Variants in TNR observed in about 807,000 individuals in gnomAD.
TNR encodes tenascin-R.
In TNR, 45 loss-of-function variants were observed where a neutral mutation model predicts 150.4. The ratio of observed to expected loss-of-function variants is 0.30; its 90% CI spans 0.24 to 0.38. The LOEUF (loss-of-function observed/expected upper bound fraction) is 0.38, where lower values mean the gene tolerates loss of function less well. TNR is among the 10% of genes least tolerant of loss of function. The probability of loss-of-function intolerance (pLI) is 1.00; values close to 1 mark genes in which losing one functional copy is unlikely to be tolerated. For synonymous variants in TNR, 687 were observed against 678.4 expected, an observed-to-expected ratio of 1.01 and a Z score of -0.20; for missense variants, 1,544 against 1,759.1, an observed-to-expected ratio of 0.88 and a Z score of 2.19.
intron 2 of TNR, among the ~76,000 whole-genome samples, chr1:175,467,071 G>GA (rs1657067427): frequency 6.6e-6 from 1 of 152,054 alleles, no homozygotes; most frequent in Admixed American, 6.6e-5. Context: ...CGACCCATCA[G>GA]GGCAACATTA....
At chr1:175,362,596 G>C (rs1017072283) in intron 14 of TNR, 67 bp downstream of exon 14, 11 of 1,574,582 alleles carry the variant, frequency 7.0e-6, no homozygotes, top group African/African-American at 1.3e-5. Context: ...CTTTCTACAA[G>C]CCCGAACAAC....
chr1:175,612,927 C>A (rs1663643282), intron 1 of TNR, among the ~76,000 whole-genome samples: 2 of 152,168 alleles, frequency 1.3e-5, no homozygotes, highest in South Asian at 2.1e-4. Flanking sequence ...ACACAGCCCC[C>A]CTTTCCCTCA....
At chr1:175,341,912 C>G (rs780077294) in intron 18 of TNR, among the ~76,000 whole-genome samples, 24 of 152,222 alleles carry the variant, frequency 1.6e-4, no homozygotes, top group Non-Finnish European at 2.8e-4. Context: ...TGCAGAGTAG[C>G]TGGCTAGACT....
chr1:175,734,377 T>C (rs1667719383), intron 1 of TNR, among the ~76,000 whole-genome samples: 2 of 152,178 alleles, frequency 1.3e-5, no homozygotes, highest in Non-Finnish European at 2.9e-5. Flanking sequence ...ATTTGATGGG[T>C]GAGGAAACTG....
intron 1 of TNR, among the ~76,000 whole-genome samples, chr1:175,649,062 G>A (rs1472400364): frequency 6.6e-6 from 1 of 152,192 alleles, no homozygotes; most frequent in East Asian, 1.9e-4. Context: ...GCAAAGCCAG[G>A]AGAGGCCATG....
intron 2 of TNR, among the ~76,000 whole-genome samples, chr1:175,408,282 G>T (rs1304593204): frequency 6.6e-6 from 1 of 152,228 alleles, no homozygotes; most frequent in Non-Finnish European, 1.5e-5. Flanking sequence ...TCCCTGGAAG[G>T]ATGGAAAGAT....
chr1:175,351,917 C>T (rs751817499), intron 18 of TNR, among the ~76,000 whole-genome samples: 7 of 152,190 alleles, frequency 4.6e-5, no homozygotes, highest in Non-Finnish European at 7.3e-5. Flanking sequence ...ATTGGTCATG[C>T]CCCAAGAGCC....
intron 2 of TNR, among the ~76,000 whole-genome samples, chr1:175,517,574 A>G (rs779482533): frequency 6.6e-6 from 1 of 152,146 alleles, no homozygotes; most frequent in Non-Finnish European, 1.5e-5. Flanking sequence ...TAAAATACAG[A>G]TTCCTAGGCC....
rs1047845338 is a variant in TNR, at chr1:175,417,247, C to T, written c.-63-10470G>A. On this transcript the variant is annotated intron_variant, in intron 2 of 22. Transcript: ENST00000367674. ...GGTGAGCAGAGATGAGTGTGGGAGA[C>T]GTGACTGGAGAAGGCTTTGTGAAGA... Among the ~76,000 whole-genome samples, 22 of 151,608 alleles carry T rather than the reference C, an allele frequency of 1.5e-4. No individual in the cohort carries two copies. The East Asian group carries it at 1.7e-3, about 12-fold the overall frequency.
At chr1:175,367,096 C>A in intron 10 of TNR, 112 bp downstream of exon 10, 1 of 866,872 alleles carries the variant, frequency 1.2e-6, no homozygotes, top group East Asian at 2.5e-5. Flanking sequence ...CACCAGAGCC[C>A]TGTTCACTGG....
At chr1:175,389,151 C>A (rs1004956728) in intron 7 of TNR, among the ~76,000 whole-genome samples, 1 of 152,156 alleles carries the variant, frequency 6.6e-6, no homozygotes, top group African/African-American at 2.4e-5. Flanking sequence ...AATTTGGCAC[C>A]TTGGTGTGCT....
At chr1:175,602,106 T>C (rs968509163) in intron 1 of TNR, among the ~76,000 whole-genome samples, 1 of 151,154 alleles carries the variant, frequency 6.6e-6, no homozygotes, top group Non-Finnish European at 1.5e-5. Flanking sequence ...GTGGATCTGC[T>C]TTAAATTGAT....
chr1:175,426,967 A>ATT (rs1403022952), intron 2 of TNR, among the ~76,000 whole-genome samples: 1 of 139,494 alleles, frequency 7.2e-6, no homozygotes, highest in Non-Finnish European at 1.5e-5. Flanking sequence ...TATAAAATAT[A>ATT]TTATATATAT....
intron 1 of TNR, among the ~76,000 whole-genome samples, chr1:175,614,786 A>T (rs1385132419): frequency 6.6e-6 from 1 of 152,218 alleles, no homozygotes; most frequent in East Asian, 1.9e-4. Flanking sequence ...TCCTTGGGGT[A>T]ACTGTGGTCT....
intron 2 of TNR, among the ~76,000 whole-genome samples, chr1:175,449,238 G>A (rs919377529): frequency 6.6e-6 from 1 of 152,192 alleles, no homozygotes; most frequent in African/African-American, 2.4e-5. Flanking sequence ...ATTTTTCCCA[G>A]GGCGCTCTGC....
chr1:175,589,008 G>T (rs1358652293), intron 1 of TNR, among the ~76,000 whole-genome samples: 1 of 152,000 alleles, frequency 6.6e-6, no homozygotes, highest in African/African-American at 2.4e-5. Context: ...TCTGCCTGGG[G>T]GATACCCATT....
intron 3 of TNR, 55 bp downstream of exon 3, chr1:175,406,161 T>C: frequency 6.4e-7 from 1 of 1,571,156 alleles, no homozygotes; most frequent in Non-Finnish European, 8.6e-7. Context: ...TCTCCCTCTC[T>C]GCTCAGCCCT....
intron 1 of TNR, among the ~76,000 whole-genome samples, chr1:175,568,409 G>A (rs941138682): frequency 6.6e-6 from 1 of 151,858 alleles, no homozygotes; most frequent in African/African-American, 2.4e-5. Context: ...GGCATTCCTC[G>A]GCAATCAATT....
chr1:175,458,657 A>G (rs1185690984), intron 2 of TNR, among the ~76,000 whole-genome samples: 1 of 152,226 alleles, frequency 6.6e-6, no homozygotes, highest in African/African-American at 2.4e-5. Flanking sequence ...TCTCCCTCAC[A>G]AATGGAACTT....
Sources: gnomAD v4.1 joint callset for allele counts (sites outside exome capture counted in the v4.1 genomes callset) on GRCh38, gnomAD v4.1.1 for gene constraint, MANE v1.5 for transcripts, NCBI Gene and HGNC (gene_info 2026-07-23, HGNC 2026-07-21) for gene names.